The following EXTL3 variants were observed in gnomAD, a reference collection of about 807,000 sequenced individuals.
EXTL3 encodes exostosin-like 3.
A neutral mutation model predicts 69.3 loss-of-function variants in EXTL3; 27 were observed. The ratio of observed to expected loss-of-function variants is 0.39; its 90% CI spans 0.29 to 0.54. The LOEUF is 0.54. EXTL3 is among the 20% of genes least tolerant of loss of function. The pLI, the probability that EXTL3 is intolerant of heterozygous loss-of-function variation, is 0.69. For missense variants in EXTL3, 1,003 were observed against 1,231.8 expected (o/e 0.81, Z 2.78); for synonymous variants, 511 against 499.4 (o/e 1.02, Z -0.31).
chr8:28,660,482 G>C (rs975122296), intron 1 of EXTL3, among the ~76,000 whole-genome samples: 5 of 151,886 alleles, frequency 3.3e-5, no homozygotes, highest in African/African-American at 4.8e-5. Context: ...ATATATGTGT[G>C]TGTGTACACA....
At chr8:28,703,489 A>G (rs1800855413) in intron 1 of EXTL3, among the ~76,000 whole-genome samples, 1 of 152,192 alleles carries the variant, frequency 6.6e-6, no homozygotes, top group Admixed American at 6.5e-5. Context: ...GTTTGAAGCC[A>G]GCAGAAGACT....
At chr8:28,741,418 C>CT (rs1563224013) in intron 5 of EXTL3, 1 of 152,060 alleles carries the variant, frequency 6.6e-6, no homozygotes, top group East Asian at 1.9e-4. Flanking sequence ...TTTGAATTAC[C>CT]TTTTTTAAAA....
intron 1 of EXTL3, among the ~76,000 whole-genome samples, chr8:28,708,145 A>T (rs1377398975): frequency 6.6e-6 from 1 of 152,332 alleles, no homozygotes; most frequent in South Asian, 2.1e-4. Flanking sequence ...CAGCCCTGTA[A>T]TAAGGGCGGC....
chr8:28,722,962 A>G lies in EXTL3; in HGVS notation c.2148+4755A>G, dbSNP rs111507803. Among the ~76,000 whole-genome samples, 1,151 of 152,120 alleles carry G rather than the reference A, an allele frequency of 7.6e-3. 16 individuals carry two copies. The highest frequency in any genetic ancestry group is 0.026 in the African/African-American group (1,080 of 41,476). On this transcript the variant is annotated intron_variant, in intron 3 of 6. Coordinates refer to ENST00000220562, the MANE Select transcript of EXTL3 (RefSeq NM_001440.4). Reference sequence around the variant, plus strand: ...TCTATTAGGGAAAAGGGAAGACTGGAAGAGAAGCTGCATCCGTAGTGCACT... The same window carrying G: ...TCTATTAGGGAAAAGGGAAGACTGGGAGAGAAGCTGCATCCGTAGTGCACT...
chr8:28,727,373 T>C (rs116791168), intron 3 of EXTL3, among the ~76,000 whole-genome samples: 2,028 of 152,238 alleles, frequency 0.013, 52 homozygotes, highest in African/African-American at 0.046. Flanking sequence ...TTTAATAAAC[T>C]TACTAAAAAA....
intron 1 of EXTL3, among the ~76,000 whole-genome samples, chr8:28,671,178 C>CA (rs1807284546): frequency 6.6e-6 from 1 of 151,986 alleles, no homozygotes; most frequent in African/African-American, 2.4e-5. Context: ...GACGGAGTTT[C>CA]ACCATGTTGG....
chr8:28,749,919 C>T (rs1437706359), intron 6 of EXTL3, among the ~76,000 whole-genome samples: 10 of 152,166 alleles, frequency 6.6e-5, no homozygotes, highest in Non-Finnish European at 1.2e-4. Flanking sequence ...GTTTTGTACT[C>T]CTGGGCTCAA....
Position 28,750,505 on chromosome 8 carries a change from G to A in EXTL3, c.2551-152G>A, listed in dbSNP as rs1739040479. 4 of 711,896 alleles carry A rather than the reference G, an allele frequency of 5.6e-6. No individual in the cohort carries two copies. Among genetic ancestry groups the A allele is most frequent in the East Asian group, 5.4e-5 (2 of 37,130 alleles). The allele number at this position is 711,896 out of a possible 1,614,324, so 44.1% of individuals were successfully genotyped here. A position where few individuals can be genotyped will look rare whatever the true frequency, so the allele number is the denominator to read the frequency against. On this transcript the variant is annotated intron_variant, in intron 6 of 6. Transcript: ENST00000220562. The surrounding 1 kb of genome is among the most constrained non-coding windows in gnomAD (Gnocchi z 5.2). Reference sequence around the variant, plus strand: ...TCTGGTAGGCAGGAGGCCTGGGGCCGGGCTCTGGTTCCTGCCATGCTCTGC... The same window carrying A: ...TCTGGTAGGCAGGAGGCCTGGGGCCAGGCTCTGGTTCCTGCCATGCTCTGC...
chr8:28,630,606 A>G (rs1806557907), intron 1 of EXTL3, among the ~76,000 whole-genome samples: 1 of 152,248 alleles, frequency 6.6e-6, no homozygotes, highest in South Asian at 2.1e-4. Flanking sequence ...TCATCTGTAA[A>G]ATGCAGTAAC....
chr8:28,718,581 CATATT>C (rs1418536942), intron 3 of EXTL3, among the ~76,000 whole-genome samples: 1 of 152,190 alleles, frequency 6.6e-6, no homozygotes, highest in Admixed American at 6.5e-5. Context: ...CATTTTGTGA[CATATT>C]ATCGCTGTTT....
chr8:28,708,450 CAGA>C, intron 1 of EXTL3, among the ~76,000 whole-genome samples: 1 of 115,844 alleles, frequency 8.6e-6, no homozygotes, highest in East Asian at 2.8e-4. Flanking sequence ...TTTTTTTAAA[CAGA>C]AGACAAATCA....
intron 1 of EXTL3, among the ~76,000 whole-genome samples, chr8:28,642,255 G>A (rs1334912430): frequency 6.6e-6 from 1 of 151,776 alleles, no homozygotes; most frequent in Non-Finnish European, 1.5e-5. Flanking sequence ...ACCAGCCTGG[G>A]CAACATGGTG....
upstream of EXTL3, among the ~76,000 whole-genome samples, chr8:28,620,289 G>C (rs1245458151): frequency 1.3e-5 from 2 of 152,140 alleles, no homozygotes; most frequent in East Asian, 3.8e-4. Flanking sequence ...GGCAGGGCCA[G>C]TGCTTCCTAA....
At chr8:28,704,263 G>A (rs1195161031) in intron 1 of EXTL3, among the ~76,000 whole-genome samples, 1 of 152,236 alleles carries the variant, frequency 6.6e-6, no homozygotes, top group Admixed American at 6.5e-5. Flanking sequence ...AAGTCTAGAA[G>A]TGGAGCCATA....
intron 1 of EXTL3, among the ~76,000 whole-genome samples, chr8:28,704,601 G>A (rs1203632286): frequency 2.0e-5 from 3 of 151,760 alleles, no homozygotes; most frequent in African/African-American, 4.8e-5. Flanking sequence ...TTTCCAACTT[G>A]CTTTTAAATG....
intron 1 of EXTL3, among the ~76,000 whole-genome samples, chr8:28,686,708 G>A (rs1025354130): frequency 1.3e-5 from 2 of 152,076 alleles, no homozygotes; most frequent in African/African-American, 4.8e-5. Flanking sequence ...TAACTCTAGG[G>A]CAATTAGGAG....
rs199831414 is a variant in EXTL3, at chr8:28,716,972, A to G, written c.913A>G (p.Thr305Ala). Residue 305 changes from threonine to alanine, a missense_variant, in exon 3 of 7, where the codon ACT becomes GCT. Thr to Ala is a moderately conservative substitution (Grantham distance 58, BLOSUM62 0). This residue lies in a region of EXTL3 where 742 missense variants were observed against 815.4 expected (regional missense o/e 0.91). Coordinates refer to ENST00000220562, the MANE Select transcript of EXTL3 (RefSeq NM_001440.4). This position sits in a 1 kb window ranked among gnomAD's most constrained non-coding sequence, Gnocchi z 7.1. The stretch of plus-strand genomic sequence containing the variant: ...CATGGTGGCCCAGTCCACCTTCTAC[A>G]CTGTCCAGTACAGACCTGGCTTTGA... ...RAMVAQSTFY[T>A]VQYRPGFDLV... The G allele has an allele frequency of 4.8e-5, 78 of 1,614,122 alleles. No homozygotes were observed. The East Asian group carries it at 5.1e-4, about 11-fold the overall frequency.
intron 1 of EXTL3, among the ~76,000 whole-genome samples, chr8:28,665,850 T>C (rs1329460205): frequency 6.6e-6 from 1 of 152,244 alleles, no homozygotes; most frequent in Non-Finnish European, 1.5e-5. Flanking sequence ...AAAAGCTGAA[T>C]GTGTTTAAGA....
At chr8:28,682,033 T>A (rs1254794963) in intron 1 of EXTL3, among the ~76,000 whole-genome samples, 1 of 152,226 alleles carries the variant, frequency 6.6e-6, no homozygotes, top group Non-Finnish European at 1.5e-5. Context: ...CACTCCAGTC[T>A]GGGCAACAAG....
Sources: allele counts gnomAD v4.1 joint callset (sites outside exome capture counted in the v4.1 genomes callset), GRCh38; gene constraint gnomAD v4.1.1; regional missense constraint gnomAD v4.1.1; non-coding constraint Gnocchi (gnomAD v3.1); transcripts MANE v1.5; gene names NCBI Gene and HGNC (gene_info 2026-07-23, HGNC 2026-07-21).